Variants in PDCL3 observed in about 807,000 individuals in gnomAD.
The protein encoded by PDCL3 is phosducin like 3.
In PDCL3, 22 loss-of-function variants were observed where a neutral mutation model predicts 26.5. The ratio of observed to expected loss-of-function variants is 0.83; its 90% CI spans 0.59 to 1.19. The LOEUF (loss-of-function observed/expected upper bound fraction) is 1.19. Among genes scored for constraint, PDCL3 ranks in the 50% most tolerant of loss-of-function variants. The pLI, the probability that PDCL3 is intolerant of heterozygous loss-of-function variation, is 0.00. For missense variants in PDCL3, 246 were observed against 294.1 expected (o/e 0.84, Z 1.20); for synonymous variants, 81 against 104.9 (o/e 0.77, Z 1.39).
chr2:100,566,904 C>T (rs1371072953), intron 2 of PDCL3, among the ~76,000 whole-genome samples: 2 of 152,222 alleles, frequency 1.3e-5, no homozygotes, highest in Admixed American at 6.5e-5. Flanking sequence ...TTGATAATGT[C>T]ATGGAAATTT....
intron 5 of PDCL3, 24 bp downstream of exon 5, chr2:100,571,822 G>A: frequency 1.2e-6 from 2 of 1,610,852 alleles, no homozygotes; most frequent in African/African-American, 1.3e-5. Flanking sequence ...GAGACAGGCG[G>A]GGCAGTGAGA....
chr2:100,565,895 CTCAG>C (rs1348382708), intron 1 of PDCL3, among the ~76,000 whole-genome samples: 1 of 152,082 alleles, frequency 6.6e-6, no homozygotes, highest in Admixed American at 6.6e-5. Flanking sequence ...GAATGAATCA[CTCAG>C]TCATTATTAT....
chr2:100,563,242 T>TCCCACCAGGACCCACGGCCTGGG, intron 1 of PDCL3, 169 bp downstream of exon 1: 1 of 790,392 alleles, frequency 1.3e-6, no homozygotes, highest in Non-Finnish European at 1.9e-6. Flanking sequence ...GCGGGCGTGG[T>TCCCACCAGGACCCACGGCCTGGG]CCCACCAGGA....
At chr2:100,572,537 GAC>G (rs1675198451) in intron 5 of PDCL3, among the ~76,000 whole-genome samples, 1 of 141,090 alleles carries the variant, frequency 7.1e-6, no homozygotes, top group Non-Finnish European at 1.5e-5. Context: ...TTTTTTTTGA[GAC>G]AGAGTTTCAC....
rs966002146 is a variant in PDCL3 at position 100,568,967 on chromosome 2, A to G, written c.170A>G (p.Glu57Gly). 6.2e-7 allele frequency: 1 copy of G among 1,614,064 alleles called. No homozygotes were observed. The highest frequency in any genetic ancestry group is 8.5e-7 in the Non-Finnish European group (1 of 1,179,940). ...GAAGATATGACTTTGGAAGAGCTGG[A>G]GGATCATGAAGACGAGTTTAATGAG... Reference protein sequence around the residue: ...TYEDMTLEELEDHEDEFNEED... With the variant: ...TYEDMTLEELGDHEDEFNEED... Residue 57 changes from glutamate (E) to glycine (G), a missense_variant, in exon 3 of 6, where the codon GAG becomes GGG. Glu to Gly is a moderately conservative substitution (Grantham distance 98). Transcript: ENST00000264254.
intron 3 of PDCL3, 79 bp from the exon 4 acceptor site, chr2:100,569,499 T>C: frequency 1.3e-6 from 2 of 1,493,366 alleles, no homozygotes; most frequent in Non-Finnish European, 1.8e-6. Context: ...AACCTGGGCT[T>C]TTACAAGGAT....
In PDCL3 at chr2:100,576,163, A is replaced by C. The variant is rs568764513; in HGVS notation, c.578-191A>C. On this transcript the variant is annotated intron_variant, in intron 5 of 5. Transcript: ENST00000264254. ...GTGATCTTAAATGTCTGCAACCTCT[A>C]CCTCCCAGGCTCAGGTGATCCTCCT... is the stretch of plus-strand genomic sequence containing the variant. Among the ~76,000 whole-genome samples, 25 of 151,954 alleles carry C rather than the reference A, an allele frequency of 1.6e-4. No homozygotes were observed. The South Asian group carries it at 5.2e-3, about 32-fold the overall frequency.
chr2:100,565,531 C>G (rs1171110054), intron 1 of PDCL3, among the ~76,000 whole-genome samples: 1 of 152,058 alleles, frequency 6.6e-6, no homozygotes, highest in East Asian at 1.9e-4. Flanking sequence ...ACCTCTGCCT[C>G]CCAAAGTGCT....
chr2:100,563,161 G>C, intron 1 of PDCL3, 88 bp downstream of exon 1: 1 of 1,484,158 alleles, frequency 6.7e-7, no homozygotes, highest in Non-Finnish European at 9.0e-7. Context: ...CCCGCCCTGG[G>C]GGAAGCTCCG....
intron 4 of PDCL3, among the ~76,000 whole-genome samples, chr2:100,571,114 C>CAA (rs59012685): frequency 0.26 from 27,719 of 108,650 alleles, 3,638 homozygotes; most frequent in East Asian, 0.43. Flanking sequence ...CCTGTCTTTA[C>CAA]AAAAAAAAAA....
rs1266222036 is a variant in PDCL3 at position 100,563,187 on chromosome 2, G to A, written c.6+114G>A. ...GGAAGCTCCGGCGCCGCAGGCACGAGGGAGGCCCGGCGCGTCCAGGCCCTG... is the reference window on the plus strand; with the variant it reads ...GGAAGCTCCGGCGCCGCAGGCACGAAGGAGGCCCGGCGCGTCCAGGCCCTG... On this transcript the variant is annotated intron_variant, in intron 1 of 5. Transcript: ENST00000264254. 4 of 1,357,454 alleles carry A rather than the reference G, an allele frequency of 2.9e-6. No homozygotes were observed. In the African/African-American group the frequency reaches 4.6e-5, roughly 15 times the overall value. The allele number at this position is 1,357,454 out of a possible 1,614,324, so 84.1% of individuals were successfully genotyped here. A position where few individuals can be genotyped will look rare whatever the true frequency, so the allele number is the denominator to read the frequency against.
chr2:100,571,839 A>C (rs1406667093), intron 5 of PDCL3, 41 bp downstream of exon 5: 36 of 1,584,374 alleles, frequency 2.3e-5, no homozygotes, highest in Non-Finnish European at 3.0e-5. Context: ...GAGAGATGGG[A>C]GGCGCATTTC....
At chr2:100,571,114 C>CAAAA (rs59012685) in intron 4 of PDCL3, among the ~76,000 whole-genome samples, 2 of 109,084 alleles carry the variant, frequency 1.8e-5, no homozygotes, top group South Asian at 3.0e-4. Flanking sequence ...CCTGTCTTTA[C>CAAAA]AAAAAAAAAA....
intron 1 of PDCL3, among the ~76,000 whole-genome samples, chr2:100,566,233 A>G (rs535712881): frequency 1.3e-5 from 2 of 152,188 alleles, no homozygotes; most frequent in South Asian, 2.1e-4. Context: ...TATTGAACAC[A>G]TGCCAAGTCA....
chr2:100,563,435 C>A, intron 1 of PDCL3: 1 of 208,234 alleles, frequency 4.8e-6, no homozygotes, highest in Non-Finnish European at 9.5e-6. Flanking sequence ...TGTTAGGAAG[C>A]GGAGGGTCCG....
chr2:100,568,000 C>T (rs1276238864), intron 2 of PDCL3, among the ~76,000 whole-genome samples: 3 of 151,884 alleles, frequency 2.0e-5, no homozygotes, highest in Non-Finnish European at 2.9e-5. Context: ...TTTTTTGTAG[C>T]GATGAGGTTT....
At chr2:100,574,994 A>G (rs1201216486) in intron 5 of PDCL3, among the ~76,000 whole-genome samples, 1 of 152,130 alleles carries the variant, frequency 6.6e-6, no homozygotes, top group Non-Finnish European at 1.5e-5. Flanking sequence ...GCTGCTAGGG[A>G]GATGGGCGGG....
At chr2:100,566,065 G>A (rs1396989324) in intron 1 of PDCL3, among the ~76,000 whole-genome samples, 2 of 151,998 alleles carry the variant, frequency 1.3e-5, no homozygotes, top group Admixed American at 6.6e-5. Flanking sequence ...CACCACGCTC[G>A]GCTAATTTTT....
intron 5 of PDCL3, among the ~76,000 whole-genome samples, chr2:100,575,427 G>T (rs191171219): frequency 1.2e-4 from 18 of 152,178 alleles, no homozygotes; most frequent in Non-Finnish European, 2.2e-4. Context: ...GTGCCACCGC[G>T]CCCGGCCTGG....
Sources: allele counts gnomAD v4.1 joint callset (sites outside exome capture counted in the v4.1 genomes callset), GRCh38; gene constraint gnomAD v4.1.1; transcripts MANE v1.5; gene names NCBI Gene and HGNC (gene_info 2026-07-23, HGNC 2026-07-21).